The following ODF2 variants were observed in gnomAD, a reference collection of about 807,000 sequenced individuals.
ODF2 encodes the protein outer dense fiber of sperm tails 2, also known as outer dense fiber protein 2.
ODF2 carries 47 observed loss-of-function variants against 110.2 expected under a neutral mutation model. The observed-to-expected ratio is 0.43, with a 90% CI of 0.34 to 0.54. ODF2 has a LOEUF of 0.54. ODF2 is among the 20% of genes least tolerant of loss of function. The pLI, the probability that ODF2 is intolerant of heterozygous loss-of-function variation, is 0.03. For synonymous variants in ODF2, 352 were observed against 397.7 expected (o/e 0.89, Z 1.37); for missense variants, 812 against 1,054.5 (o/e 0.77, Z 3.19).
chr9:128,499,047 A>C (rs149724278), exon 20 of ODF2: 2 of 1,614,102 alleles, frequency 1.2e-6, no homozygotes, highest in Non-Finnish European at 1.7e-6. Flanking sequence ...CGAGCAGCCC[A>C]GAACAAAATC....
chr9:128,472,915 T>A, exon 7 of ODF2: 1 of 1,613,966 alleles, frequency 6.2e-7, no homozygotes, highest in South Asian at 1.1e-5. Flanking sequence ...GGCCCCAGAC[T>A]TCAGAAGAAA....
chr9:128,467,117 T>G (rs1023177992), intron 4 of ODF2, among the ~76,000 whole-genome samples: 2 of 136,028 alleles, frequency 1.5e-5, no homozygotes, highest in African/African-American at 5.4e-5. Context: ...GGCACTTTCA[T>G]CATTGTGCAA....
rs551386813 is a variant in ODF2, at chr9:128,465,607, G to A, written c.250-3576G>A. Among the ~76,000 whole-genome samples the A allele has an allele frequency of 2.6e-5, 4 of 152,198 alleles. No individual in the cohort carries two copies. The East Asian group carries it at 7.8e-4, about 30-fold the overall frequency. On this transcript the variant is annotated intron_variant, in intron 4 of 20. Transcript: ENST00000604420. The stretch of plus-strand genomic sequence containing the variant: ...AATACAAAAATTAGCTGGGCATGGT[G>A]GCACGCTCCTGTAGGCCCAGCCATT...
chr9:128,469,266 AGAT>A, exon 5 of ODF2: 5 of 1,614,064 alleles, frequency 3.1e-6, no homozygotes, highest in Non-Finnish European at 4.2e-6. Flanking sequence ...TCTCTACAGA[AGAT>A]GATGACTCAG....
intron 13 of ODF2, among the ~76,000 whole-genome samples, chr9:128,487,631 C>T (rs1038020849): frequency 6.6e-6 from 1 of 152,010 alleles, no homozygotes; most frequent in Non-Finnish European, 1.5e-5. Context: ...ACTAAAAATA[C>T]AAGAACTTAG....
chr9:128,479,386 T>G (rs2131930443), intron 8 of ODF2, among the ~76,000 whole-genome samples: 1 of 152,200 alleles, frequency 6.6e-6, no homozygotes, highest in Middle Eastern at 3.4e-3. Flanking sequence ...CCCAAATGGC[T>G]CATATGAGAG....
At position 128,498,584 on chromosome 9, in the gene ODF2, C is replaced by T. The variant is rs118126816; in HGVS notation, c.2175+9C>T. 15,253 of 1,450,232 alleles carry T rather than the reference C, an allele frequency of 0.011. 336 individuals carry two copies. Among genetic ancestry groups the T allele is most frequent in the East Asian group, 0.083 (3,591 of 43,242 alleles). The allele number at this position is 1,450,232 out of a possible 1,614,324, so 89.8% of individuals were successfully genotyped here. Reference sequence around the variant, plus strand: ...AAGATGCGAGGAGGCAGGTCAGTCCCGATTTCATGAATGACTAGCTCTGTG... The same window carrying T: ...AAGATGCGAGGAGGCAGGTCAGTCCTGATTTCATGAATGACTAGCTCTGTG... On this transcript the variant is annotated intron_variant, in intron 19 of 20. Coordinates refer to ENST00000604420, the Ensembl canonical transcript of ODF2.
At chr9:128,472,740 C>T (rs1012838855) in intron 6 of ODF2, among the ~76,000 whole-genome samples, 173 bp from the exon 7 acceptor site, 1 of 152,234 alleles carries the variant, frequency 6.6e-6, no homozygotes, top group African/African-American at 2.4e-5. Flanking sequence ...GCAGATGTAA[C>T]TTCTGGCCCT....
chr9:128,456,760 G>T (rs1022628131), intron 1 of ODF2: 50 of 877,884 alleles, frequency 5.7e-5, no homozygotes, highest in Middle Eastern at 1.2e-3. Flanking sequence ...TCGCCCGGCG[G>T]GGGGGGGTCC....
intron 9 of ODF2, among the ~76,000 whole-genome samples, 188 bp from the exon 10 acceptor site, chr9:128,482,628 A>G (rs1423693551): frequency 1.3e-5 from 2 of 152,222 alleles, no homozygotes; most frequent in Non-Finnish European, 2.9e-5. Flanking sequence ...CAAAATAAAT[A>G]CATGTTCATT....
intron 14 of ODF2, among the ~76,000 whole-genome samples, chr9:128,491,484 C>A (rs918394974): frequency 2.0e-5 from 3 of 151,746 alleles, no homozygotes; most frequent in African/African-American, 7.3e-5. Flanking sequence ...ATGGTAAAAC[C>A]CCATCTCTAC....
At chr9:128,473,847 G>A (rs939731503) in intron 8 of ODF2, 106 bp downstream of exon 8, 1 of 998,244 alleles carries the variant, frequency 1.0e-6, no homozygotes, top group African/African-American at 1.6e-5. Flanking sequence ...CGACCTGAGA[G>A]GTCCTTAGAG....
rs538362185 is a variant in ODF2, at chr9:128,495,968, C to G, written c.1912-73C>G. 10 of 1,565,694 alleles carry G rather than the reference C, an allele frequency of 6.4e-6. No individual in the cohort carries two copies. The Admixed American group carries it at 8.5e-5, about 13-fold the overall frequency. On this transcript the variant is annotated intron_variant, in intron 17 of 20. Transcript: ENST00000604420. ...GTGCCCCTTTCCTGGGTGTGGACAACAGGTCATAGGGAAAGGGGAGGGCTC... is the reference window on the plus strand; with the variant it reads ...GTGCCCCTTTCCTGGGTGTGGACAAGAGGTCATAGGGAAAGGGGAGGGCTC...
At chr9:128,473,305 C>G (rs1225758394) in intron 7 of ODF2, 1 of 955,472 alleles carries the variant, frequency 1.0e-6, no homozygotes, top group Non-Finnish European at 1.2e-6. Context: ...GTGGTTGATT[C>G]CTGCAAGTAT....
intron 5 of ODF2, among the ~76,000 whole-genome samples, chr9:128,470,385 C>A (rs1588811139): frequency 6.6e-6 from 1 of 151,872 alleles, no homozygotes; most frequent in African/African-American, 2.4e-5. Context: ...AATCCTAGCA[C>A]TTTGGGAGAC....
chr9:128,455,956 G>C (rs1588653227), upstream of ODF2: 1 of 1,408,876 alleles, frequency 7.1e-7, no homozygotes, highest in Non-Finnish European at 9.2e-7. Context: ...TGGACGCGTA[G>C]CACGTCTCCT....
rs1188327711 is a variant in ODF2, at chr9:128,494,902, C to G, written c.1911+234C>G. 5 of 1,386,816 alleles carry G rather than the reference C, an allele frequency of 3.6e-6. No individual in the cohort carries two copies. Among genetic ancestry groups the G allele is most frequent in the Non-Finnish European group, 4.8e-6 (5 of 1,051,666 alleles). The allele number at this position is 1,386,816 out of a possible 1,614,324, so 85.9% of individuals were successfully genotyped here. ...GTCACTTGCGTGGAGTCACTGGGCCCTCCTGCTGTTGCCCCCACCCAAGAC... is the reference window on the plus strand; with the variant it reads ...GTCACTTGCGTGGAGTCACTGGGCCGTCCTGCTGTTGCCCCCACCCAAGAC... On this transcript the variant is annotated intron_variant, in intron 17 of 20. Transcript: ENST00000604420. This position sits in a 1 kb window ranked among gnomAD's most constrained non-coding sequence, Gnocchi z 4.6.
chr9:128,469,392 G>GGAT (rs1272611754), intron 5 of ODF2, 39 bp downstream of exon 5: 1 of 1,602,994 alleles, frequency 6.2e-7, no homozygotes, highest in East Asian at 2.2e-5. Flanking sequence ...ACTACCCTGA[G>GGAT]GATGTGCAGG....
At chr9:128,458,362 G>A (rs971779181) in intron 2 of ODF2, among the ~76,000 whole-genome samples, 4 of 151,716 alleles carry the variant, frequency 2.6e-5, no homozygotes, top group Non-Finnish European at 5.9e-5. Flanking sequence ...CCTGGGGCAG[G>A]AGAATTGGAG....
Sources: allele counts gnomAD v4.1 joint callset (sites outside exome capture counted in the v4.1 genomes callset), GRCh38; gene constraint gnomAD v4.1.1; non-coding constraint Gnocchi (gnomAD v3.1); transcripts MANE v1.5; gene names NCBI Gene and HGNC (gene_info 2026-07-23, HGNC 2026-07-21).